Variants in PPP1R16B observed in about 807,000 individuals in gnomAD.
The protein encoded by PPP1R16B is protein phosphatase 1 regulatory inhibitor subunit 16B.
A neutral mutation model predicts 61.7 loss-of-function variants in PPP1R16B; 14 were observed. The ratio of observed to expected loss-of-function variants is 0.23; its 90% CI spans 0.15 to 0.35. The LOEUF is 0.35. Among genes scored for constraint, PPP1R16B ranks in the 10% least tolerant of loss-of-function variants. The pLI is 1.00. For synonymous variants in PPP1R16B, 266 were observed against 305.3 expected (o/e 0.87, Z 1.34); for missense variants, 547 against 752.5 (o/e 0.73, Z 3.19).
intron 2 of PPP1R16B, among the ~76,000 whole-genome samples, chr20:38,870,368 C>A (rs1197832767): frequency 6.6e-6 from 1 of 152,142 alleles, no homozygotes; most frequent in South Asian, 2.1e-4. Flanking sequence ...ACATAACCTA[C>A]CATTTAAAAG....
At chr20:38,828,291 C>T (rs2084816356) in intron 1 of PPP1R16B, among the ~76,000 whole-genome samples, 1 of 152,170 alleles carries the variant, frequency 6.6e-6, no homozygotes, top group Non-Finnish European at 1.5e-5. Context: ...GGCCTCACCT[C>T]AGGCCTGAAG....
intron 1 of PPP1R16B, among the ~76,000 whole-genome samples, chr20:38,807,316 A>G (rs1179305235): frequency 6.6e-6 from 1 of 152,200 alleles, no homozygotes; most frequent in African/African-American, 2.4e-5. Flanking sequence ...AACTGCCTCT[A>G]AGATACGGGG....
chr20:38,831,055 T>G (rs558339038), intron 1 of PPP1R16B, among the ~76,000 whole-genome samples: 1 of 152,306 alleles, frequency 6.6e-6, no homozygotes, highest in African/African-American at 2.4e-5. Context: ...GGTGGACATT[T>G]TATCCTCCAG....
In PPP1R16B at chr20:38,907,353, A is replaced by G. The variant is rs2085452652; in HGVS notation, c.898+299A>G. On this transcript the variant is annotated intron_variant, in intron 8 of 10. Transcript: ENST00000299824. The surrounding 1 kb of genome is among the most constrained non-coding windows in gnomAD (Gnocchi z 4.5). ...TGGATGGATGGATGGATGGATAGACAGAAAAATAAGTGGATGAGTGGGTAA... is the reference window on the plus strand; with the variant it reads ...TGGATGGATGGATGGATGGATAGACGGAAAAATAAGTGGATGAGTGGGTAA... 6.6e-6 allele frequency among the ~76,000 whole-genome samples: 1 copy of G among 152,090 alleles called. No individual in the cohort carries two copies. The highest frequency in any genetic ancestry group is 6.5e-5 in the Admixed American group (1 of 15,268).
intron 2 of PPP1R16B, among the ~76,000 whole-genome samples, chr20:38,875,323 G>C (rs2085158229): frequency 6.6e-6 from 1 of 152,214 alleles, no homozygotes; most frequent in Non-Finnish European, 1.5e-5. Context: ...TCTGATAAGA[G>C]AGTGGATTTT....
chr20:38,854,937 TATCA>T (rs2084994446), intron 2 of PPP1R16B, among the ~76,000 whole-genome samples: 1 of 152,226 alleles, frequency 6.6e-6, no homozygotes, highest in Admixed American at 6.5e-5. Flanking sequence ...GGCGGCCTTC[TATCA>T]GTCAGTCACA....
At chr20:38,852,768 T>TTTTGGGGGGGGGGGGGG (rs1601257219) in intron 2 of PPP1R16B, among the ~76,000 whole-genome samples, 1 of 62,336 alleles carries the variant, frequency 1.6e-5, no homozygotes, top group African/African-American at 6.7e-5. Context: ...TTTTTTTTTT[T>TTTTGGGGGGGGGGGGGG]GCGGGGGGTG....
At chr20:38,891,160 TGTGTGGGCTACC>T (rs571850661) in intron 3 of PPP1R16B, among the ~76,000 whole-genome samples, 2 of 152,194 alleles carry the variant, frequency 1.3e-5, no homozygotes, top group Non-Finnish European at 2.9e-5. Context: ...GAGGATCAAA[TGTGTGGGCTACC>T]TCCTACTGCG....
intron 2 of PPP1R16B, among the ~76,000 whole-genome samples, chr20:38,849,330 G>A (rs1023600628): frequency 1.3e-5 from 2 of 152,146 alleles, no homozygotes; most frequent in African/African-American, 4.8e-5. Context: ...CAGTAAGCCT[G>A]GAGATCTGAG....
At chr20:38,807,784 T>C (rs112275338) in intron 1 of PPP1R16B, among the ~76,000 whole-genome samples, 21 of 152,186 alleles carry the variant, frequency 1.4e-4, no homozygotes, top group African/African-American at 5.1e-4. Flanking sequence ...GGAACCTTCC[T>C]GGCTCCAGCT....
chr20:38,882,564 A>G (rs2085210631), intron 2 of PPP1R16B, among the ~76,000 whole-genome samples: 1 of 152,112 alleles, frequency 6.6e-6, no homozygotes, highest in Non-Finnish European at 1.5e-5. Context: ...TTTTGTACAA[A>G]AGTCACAATC....
At chr20:38,811,233 A>T (rs1039426575) in intron 1 of PPP1R16B, among the ~76,000 whole-genome samples, 2 of 152,180 alleles carry the variant, frequency 1.3e-5, no homozygotes, top group Admixed American at 1.3e-4. Context: ...TGATCAGAGC[A>T]TCACATGACC....
intron 2 of PPP1R16B, among the ~76,000 whole-genome samples, chr20:38,857,128 C>T (rs563896350): frequency 1.3e-5 from 2 of 152,336 alleles, no homozygotes; most frequent in Admixed American, 6.5e-5. Flanking sequence ...GGTGCACCCA[C>T]CACTGGCAAT....
chr20:38,895,535 G>T, intron 3 of PPP1R16B, 30 bp from the exon 4 acceptor site: 1 of 1,610,342 alleles, frequency 6.2e-7, no homozygotes, highest in Non-Finnish European at 8.5e-7. Flanking sequence ...GCCCTGCCTG[G>T]AGCTGACTCT....
At chr20:38,823,195 C>T (rs891849298) in intron 1 of PPP1R16B, among the ~76,000 whole-genome samples, 2 of 152,160 alleles carry the variant, frequency 1.3e-5, no homozygotes, top group Non-Finnish European at 2.9e-5. Flanking sequence ...GACTTCAAAA[C>T]CTGCCTATGG....
Position 38,918,094 on chromosome 20 carries a change from G to T in PPP1R16B, c.1195-63G>T. The T allele has an allele frequency of 6.3e-7, 1 of 1,579,584 alleles. No individual in the cohort carries two copies. The highest frequency in any genetic ancestry group is 8.6e-7 in the Non-Finnish European group (1 of 1,156,556). ...CAAACAATAATGCCCTCAGCAGAGA[G>T]ACAGGTGGATAGTAGGTTCAGATCT... is the stretch of plus-strand genomic sequence containing the variant. On this transcript the variant is annotated intron_variant, in intron 10 of 10. Transcript: ENST00000299824. This position sits in a 1 kb window ranked among gnomAD's most constrained non-coding sequence, Gnocchi z 5.3.
chr20:38,905,495 A>G (rs1353240421), intron 6 of PPP1R16B, among the ~76,000 whole-genome samples: 2 of 152,216 alleles, frequency 1.3e-5, no homozygotes, highest in Non-Finnish European at 2.9e-5. Flanking sequence ...AGAAGCAGAA[A>G]TGCCTTTTAT....
intron 4 of PPP1R16B, among the ~76,000 whole-genome samples, chr20:38,896,909 G>A (rs2085353956): frequency 6.6e-6 from 1 of 152,206 alleles, no homozygotes; most frequent in South Asian, 2.1e-4. Context: ...CACTTTGGGA[G>A]GCTGAGGCAA....
intron 4 of PPP1R16B, 150 bp downstream of exon 4, chr20:38,895,860 T>G: frequency 3.1e-6 from 2 of 653,530 alleles, no homozygotes; most frequent in Non-Finnish European, 4.6e-6. Context: ...TCCTTCTTTC[T>G]TCCCTCCCTC....
Sources: gnomAD v4.1 joint callset for allele counts (sites outside exome capture counted in the v4.1 genomes callset) on GRCh38, gnomAD v4.1.1 for gene constraint, Gnocchi (gnomAD v3.1) non-coding constraint, MANE v1.5 for transcripts, NCBI Gene and HGNC (gene_info 2026-07-23, HGNC 2026-07-21) for gene names.